The following SPATS2 variants were observed in gnomAD, a reference collection of about 807,000 sequenced individuals.
The protein encoded by SPATS2 is spermatogenesis associated serine rich 2, also known as spermatogenesis-associated serine-rich protein 2.
SPATS2 carries 38 observed loss-of-function variants against 63.7 expected under a neutral mutation model. The ratio of observed to expected loss-of-function variants is 0.60; its 90% CI spans 0.46 to 0.78. SPATS2 has a LOEUF of 0.78. Among genes scored for constraint, SPATS2 ranks in the 30% least tolerant of loss-of-function variants. The pLI, the probability that SPATS2 is intolerant of heterozygous loss-of-function variation, is 0.00. For missense variants in SPATS2, 588 were observed against 666.2 expected (o/e 0.88, Z 1.29); for synonymous variants, 207 against 232.9 (o/e 0.89, Z 1.01).
chr12:49,451,469 G>A (rs1354203427), intron 2 of SPATS2, among the ~76,000 whole-genome samples: 2 of 151,974 alleles, frequency 1.3e-5, no homozygotes, highest in Non-Finnish European at 2.9e-5. Context: ...TAATAATTCA[G>A]TATTGTTATT....
intron 3 of SPATS2, among the ~76,000 whole-genome samples, chr12:49,472,821 C>T (rs1343798951): frequency 4.0e-5 from 6 of 150,362 alleles, no homozygotes; most frequent in Non-Finnish European, 8.9e-5. Context: ...GGTCGGATCC[C>T]TTGAGCTCTG....
At chr12:49,443,953 A>G (rs1266639470) in intron 2 of SPATS2, among the ~76,000 whole-genome samples, 1 of 152,178 alleles carries the variant, frequency 6.6e-6, no homozygotes, top group Non-Finnish European at 1.5e-5. Context: ...TGTTTTGGCA[A>G]TTCTGGTTTC....
chr12:49,398,894 A>C (rs574812469), intron 2 of SPATS2, among the ~76,000 whole-genome samples: 1 of 152,250 alleles, frequency 6.6e-6, no homozygotes, highest in Admixed American at 6.5e-5. Flanking sequence ...GAAAAGGTCT[A>C]TTTCTGTACT....
chr12:49,493,320 T>G (rs1166936299), intron 6 of SPATS2, among the ~76,000 whole-genome samples: 1 of 152,010 alleles, frequency 6.6e-6, no homozygotes, highest in East Asian at 1.9e-4. Context: ...TTGTTTATTT[T>G]AACTTTACTA....
chr12:49,510,700 C>T (rs1017094716), intron 9 of SPATS2, among the ~76,000 whole-genome samples: 19 of 152,096 alleles, frequency 1.2e-4, no homozygotes, highest in Middle Eastern at 6.8e-3. Flanking sequence ...GTTGTGTTTC[C>T]ATTTTAATAT....
intron 2 of SPATS2, among the ~76,000 whole-genome samples, chr12:49,374,561 C>T (rs561415111): frequency 1.3e-5 from 2 of 152,268 alleles, no homozygotes; most frequent in South Asian, 4.1e-4. Context: ...TATACAGATT[C>T]TTCAGTAGTT....
intron 9 of SPATS2, among the ~76,000 whole-genome samples, chr12:49,511,470 G>A (rs182516261): frequency 1.1e-4 from 16 of 152,198 alleles, no homozygotes; most frequent in Admixed American, 9.8e-4. Flanking sequence ...TTAGAATCTA[G>A]TCTGCCAGAT....
At chr12:49,375,180 GT>G (rs1944075490) in intron 2 of SPATS2, among the ~76,000 whole-genome samples, 1 of 137,442 alleles carries the variant, frequency 7.3e-6, no homozygotes, top group Non-Finnish European at 1.6e-5. Context: ...GTGTGTGTGT[GT>G]GTGTGTGTGT....
At chr12:49,490,815 G>T in intron 6 of SPATS2, 84 bp downstream of exon 6, 2 of 1,274,334 alleles carry the variant, frequency 1.6e-6, no homozygotes, top group Non-Finnish European at 2.2e-6. Flanking sequence ...TGAAAGAAAA[G>T]GTTCACATAC....
At chr12:49,502,229 A>G (rs138405729) in intron 9 of SPATS2, among the ~76,000 whole-genome samples, 30 of 152,270 alleles carry the variant, frequency 2.0e-4, no homozygotes, top group African/African-American at 6.5e-4. Flanking sequence ...GCCACAACAT[A>G]TAAGAGATAG....
intron 2 of SPATS2, among the ~76,000 whole-genome samples, chr12:49,394,106 G>A (rs1357631391): frequency 6.6e-6 from 1 of 152,018 alleles, no homozygotes; most frequent in Non-Finnish European, 1.5e-5. Flanking sequence ...CCACCACTTT[G>A]GGAGGCCATA....
intron 10 of SPATS2, among the ~76,000 whole-genome samples, chr12:49,516,164 AAAATATATATATATAT>A (rs1565760768): frequency 1.9e-4 from 4 of 20,772 alleles, no homozygotes; most frequent in African/African-American, 1.1e-3. Flanking sequence ...AAAAAAAAAA[AAAATATATATATATAT>A]ATATATATAT....
intron 2 of SPATS2, among the ~76,000 whole-genome samples, chr12:49,454,638 T>C (rs1023786951): frequency 1.3e-5 from 2 of 152,124 alleles, no homozygotes; most frequent in Non-Finnish European, 2.9e-5. Flanking sequence ...ATCCCAGCAC[T>C]TTGGGAGGCT....
At chr12:49,471,813 C>G (rs1243817730) in intron 3 of SPATS2, among the ~76,000 whole-genome samples, 1 of 152,070 alleles carries the variant, frequency 6.6e-6, no homozygotes, top group African/African-American at 2.4e-5. Context: ...ACCATTCTAC[C>G]TACTGTCTTT....
At chr12:49,403,542 C>T (rs552803915) in intron 2 of SPATS2, among the ~76,000 whole-genome samples, 2 of 150,382 alleles carry the variant, frequency 1.3e-5, no homozygotes, top group Admixed American at 6.7e-5. Context: ...GCATGAGAAT[C>T]GCTTGAATCC....
At chr12:49,431,634 CAATT>C (rs1207910882) in intron 2 of SPATS2, among the ~76,000 whole-genome samples, 2 of 152,164 alleles carry the variant, frequency 1.3e-5, no homozygotes, top group African/African-American at 2.4e-5. Context: ...TATTAATTGA[CAATT>C]AGTTTGAATA....
intron 8 of SPATS2, among the ~76,000 whole-genome samples, chr12:49,498,148 ATATAT>A (rs1946500227): frequency 7.7e-6 from 1 of 129,102 alleles, no homozygotes; most frequent in Non-Finnish European, 1.6e-5. Context: ...AAAAAAAAAT[ATATAT>A]ATATATATAT....
At chr12:49,498,166 A>G (rs1478505566) in intron 8 of SPATS2, among the ~76,000 whole-genome samples, 6 of 146,320 alleles carry the variant, frequency 4.1e-5, no homozygotes, top group African/African-American at 1.2e-4. Context: ...ATATATATAT[A>G]TATGCGCACA....
chr12:49,403,014 AG>A (rs1315116695), intron 2 of SPATS2, among the ~76,000 whole-genome samples: 1 of 152,140 alleles, frequency 6.6e-6, no homozygotes, highest in African/African-American at 2.4e-5. Flanking sequence ...TATGATGCAA[AG>A]ATTTCAGGAA....
Sources: allele counts gnomAD v4.1 joint callset (sites outside exome capture counted in the v4.1 genomes callset), GRCh38; gene constraint gnomAD v4.1.1; transcripts MANE v1.5; gene names NCBI Gene and HGNC (gene_info 2026-07-23, HGNC 2026-07-21).